Variants in ZFHX3 observed in about 807,000 individuals in gnomAD.
The protein encoded by ZFHX3 is zinc finger homeobox 3.
Under a neutral mutation model 279.1 loss-of-function variants are expected in ZFHX3, and 42 were observed. The observed-to-expected ratio is 0.15, with a 90% confidence interval of 0.12 to 0.19. ZFHX3 has a LOEUF of 0.19. Among genes scored for constraint, ZFHX3 ranks in the 10% least tolerant of loss-of-function variants. The probability of loss-of-function intolerance (pLI) is 1.00; values close to 1 mark genes in which losing one functional copy is unlikely to be tolerated. For missense variants in ZFHX3, 4,981 were observed against 4,754.0 expected, an observed-to-expected ratio of 1.05 and a Z score of -1.40; for synonymous variants, 2,293 against 1,957.8, an observed-to-expected ratio of 1.17 and a Z score of -4.52.
chr16:73,811,402 G>GAAAGC (rs970529729), intron 1 of ZFHX3, among the ~76,000 whole-genome samples: 1 of 149,964 alleles, frequency 6.7e-6, no homozygotes, highest in African/African-American at 2.4e-5. Flanking sequence ...TAATACCCAT[G>GAAAGC]AAAGCAAAGT....
intron 1 of ZFHX3, among the ~76,000 whole-genome samples, chr16:73,744,908 C>A (rs1300671124): frequency 1.3e-5 from 2 of 152,172 alleles, no homozygotes; most frequent in Non-Finnish European, 2.9e-5. Context: ...TTAAATCTTG[C>A]AATTAGCCCA....
chr16:73,733,868 A>G (rs2053588508), intron 1 of ZFHX3, among the ~76,000 whole-genome samples: 1 of 152,224 alleles, frequency 6.6e-6, no homozygotes, highest in Non-Finnish European at 1.5e-5. Flanking sequence ...CATATTAGTG[A>G]TGAGAGTTCA....
chr16:73,278,019 A>C (rs2014348234), intron 4 of ZFHX3, among the ~76,000 whole-genome samples: 6 of 152,132 alleles, frequency 3.9e-5, no homozygotes, highest in Admixed American at 3.9e-4. Context: ...GTCACCTCCC[A>C]CCAGGCCCCA....
In ZFHX3 at chr16:72,958,731, GCCTCTTCCTCCT is replaced by G. The variant is rs755269228; in HGVS notation, c.1403_1414del (p.Glu468_Glu471del). Reference sequence around the variant, plus strand: ...CTCCTCTTCTTCCTCCTCCTCCTCCGCCTCTTCCTCCTCCTCTTCCTCCTCCGCCTCCTCTTC... The same window carrying G: ...CTCCTCTTCTTCCTCCTCCTCCTCCGCCTCTTCCTCCTCCGCCTCCTCTTC... On this transcript the variant is annotated inframe_deletion, in exon 2 of 10. Coordinates refer to ENST00000268489, the MANE Select transcript of ZFHX3 (RefSeq NM_006885.4). 3.5e-4 allele frequency: 562 copies of G among 1,599,952 alleles called. No homozygotes were observed. Among genetic ancestry groups the G allele is most frequent in the Admixed American group, 1.5e-3 (87 of 59,292 alleles).
chr16:73,110,752 T>C (rs913879586), intron 7 of ZFHX3, among the ~76,000 whole-genome samples: 1 of 152,048 alleles, frequency 6.6e-6, no homozygotes, highest in African/African-American at 2.4e-5. Flanking sequence ...TTTGTAGAGA[T>C]AGGGTCTCCC....
chr16:73,681,087 A>C (rs1198910335), intron 1 of ZFHX3, among the ~76,000 whole-genome samples: 2 of 152,338 alleles, frequency 1.3e-5, no homozygotes, highest in East Asian at 3.9e-4. Context: ...CTTGTGGGAG[A>C]GAATAACCTA....
chr16:73,701,825 C>A, intron 1 of ZFHX3, among the ~76,000 whole-genome samples: 1 of 150,774 alleles, frequency 6.6e-6, no homozygotes. Context: ...AATTATTATT[C>A]AAAAGATAAT....
chr16:73,101,280 T>C (rs1191750942), intron 7 of ZFHX3, among the ~76,000 whole-genome samples: 2 of 152,230 alleles, frequency 1.3e-5, no homozygotes, highest in Non-Finnish European at 2.9e-5. Context: ...CAAGATCTCC[T>C]GAATCAGAAT....
intron 5 of ZFHX3, among the ~76,000 whole-genome samples, chr16:73,173,298 T>C (rs537647483): frequency 3.6e-4 from 55 of 152,250 alleles, no homozygotes; most frequent in Admixed American, 3.3e-3. Flanking sequence ...CTGTGTTTTC[T>C]GAGATCTTCC....
intron 3 of ZFHX3, among the ~76,000 whole-genome samples, chr16:72,909,052 C>T (rs1179367718): frequency 6.6e-6 from 1 of 152,196 alleles, no homozygotes; most frequent in Non-Finnish European, 1.5e-5. Context: ...GAAACCAGGG[C>T]CATTGCATTC....
At chr16:73,310,539 T>A (rs1285023631) in intron 4 of ZFHX3, among the ~76,000 whole-genome samples, 1 of 152,066 alleles carries the variant, frequency 6.6e-6, no homozygotes, top group African/African-American at 2.4e-5. Context: ...CCAGAGACAT[T>A]TTTTTGTTGT....
At chr16:73,219,940 G>C (rs1378798403) in intron 5 of ZFHX3, among the ~76,000 whole-genome samples, 4 of 152,072 alleles carry the variant, frequency 2.6e-5, no homozygotes, top group African/African-American at 9.7e-5. Context: ...ACAAAAATTA[G>C]CCAGGTGTGG....
chr16:73,392,840 G>GT (rs5817842), intron 3 of ZFHX3, among the ~76,000 whole-genome samples: 1 of 151,658 alleles, frequency 6.6e-6, no homozygotes, highest in Non-Finnish European at 1.5e-5. Context: ...TTTGTTTTTT[G>GT]TTTTTTTGTT....
chr16:73,469,748 G>C (rs2018632966), intron 2 of ZFHX3, among the ~76,000 whole-genome samples: 2 of 152,030 alleles, frequency 1.3e-5, no homozygotes. Flanking sequence ...CTCCCAAGTA[G>C]CTGGGATTAC....
intron 7 of ZFHX3, chr16:73,127,299 G>C (rs72795194): frequency 7.8e-7 from 1 of 1,275,082 alleles, no homozygotes; most frequent in African/African-American, 1.5e-5. Flanking sequence ...AGAGAAGAGG[G>C]AAGAAGGAAA....
At chr16:73,469,304 G>A (rs1160969939) in intron 2 of ZFHX3, among the ~76,000 whole-genome samples, 1 of 152,158 alleles carries the variant, frequency 6.6e-6, no homozygotes, top group Non-Finnish European at 1.5e-5. Flanking sequence ...AGCAGCAAGC[G>A]AACATAGAGC....
At chr16:73,473,524 G>A (rs971443390) in intron 2 of ZFHX3, among the ~76,000 whole-genome samples, 3 of 151,978 alleles carry the variant, frequency 2.0e-5, no homozygotes, top group African/African-American at 4.8e-5. Flanking sequence ...ATGTTTGATC[G>A]ACTCATTCGA....
rs535931926 is a variant in ZFHX3, at chr16:73,687,862, A to C, written c.-1607-7622T>G. On this transcript the variant is annotated intron_variant, in intron 1 of 17. Coordinates refer to the ZFHX3 transcript ENST00000641206. ...ACTCTGTCTCAAAAAAAAAAAAAAA[A>C]AAAAAAACAGATTTAGTAGCTATTA... Among the ~76,000 whole-genome samples the C allele has an allele frequency of 7.3e-5, 11 of 151,006 alleles. No individual in the cohort carries two copies. In the East Asian group the frequency reaches 9.9e-4, roughly 14 times the overall value.
At chr16:73,396,545 T>C (rs1416087539) in intron 3 of ZFHX3, among the ~76,000 whole-genome samples, 1 of 152,154 alleles carries the variant, frequency 6.6e-6, no homozygotes. Context: ...GACTCACAGT[T>C]CTACAAGGCT....
Sources: allele counts gnomAD v4.1 joint callset (sites outside exome capture counted in the v4.1 genomes callset), GRCh38; gene constraint gnomAD v4.1.1; transcripts MANE v1.5; gene names NCBI Gene and HGNC (gene_info 2026-07-23, HGNC 2026-07-21).